Variants in MAST4 observed in about 807,000 individuals in gnomAD.
The protein encoded by MAST4 is microtubule-associated serine/threonine-protein kinase 4.
MAST4 carries 89 observed loss-of-function variants against 162.7 expected under a neutral mutation model. The ratio of observed to expected loss-of-function variants is 0.55; its 90% CI spans 0.46 to 0.65. MAST4 has a LOEUF of 0.65. MAST4 is among the 30% of genes least tolerant of loss of function. The pLI is 0.00. For missense variants in MAST4, 3,153 were observed against 3,374.0 expected (o/e 0.93, Z 1.62); for synonymous variants, 1,479 against 1,361.1 (o/e 1.09, Z -1.91).
intron 2 of MAST4, among the ~76,000 whole-genome samples, chr5:66,760,399 C>T (rs1753791254): frequency 6.6e-6 from 1 of 152,152 alleles, no homozygotes; most frequent in Admixed American, 6.5e-5. Context: ...CAGGTGTGAG[C>T]CACCGCACCC....
intron 4 of MAST4, among the ~76,000 whole-genome samples, chr5:67,050,992 TA>T (rs2150542454): frequency 6.6e-6 from 1 of 152,312 alleles, no homozygotes; most frequent in East Asian, 1.9e-4. Context: ...TTTGAGTTCA[TA>T]ACTTTTCTTT....
intron 4 of MAST4, among the ~76,000 whole-genome samples, chr5:67,022,218 T>C (rs1416137950): frequency 1.3e-5 from 2 of 152,216 alleles, no homozygotes; most frequent in African/African-American, 4.8e-5. Flanking sequence ...TTCTGTCTTT[T>C]GGACTATGTC....
intron 10 of MAST4, among the ~76,000 whole-genome samples, chr5:67,105,172 G>T (rs1386508018): frequency 6.6e-6 from 1 of 152,130 alleles, no homozygotes; most frequent in Non-Finnish European, 1.5e-5. Flanking sequence ...CTGTATGGGG[G>T]AATGGAATGC....
intron 1 of MAST4, among the ~76,000 whole-genome samples, chr5:66,650,019 A>G (rs941741490): frequency 6.6e-6 from 1 of 151,900 alleles, no homozygotes; most frequent in Non-Finnish European, 1.5e-5. Context: ...ACCACTTCTT[A>G]CAGGCTAATT....
chr5:66,860,297 T>C (rs756934605), intron 3 of MAST4, among the ~76,000 whole-genome samples: 3 of 152,234 alleles, frequency 2.0e-5, no homozygotes, highest in Non-Finnish European at 2.9e-5. Context: ...CTGCTATATG[T>C]AACTGCTAAC....
intron 5 of MAST4, among the ~76,000 whole-genome samples, chr5:67,089,342 A>G (rs1763584083): frequency 6.6e-6 from 1 of 152,134 alleles, no homozygotes; most frequent in African/African-American, 2.4e-5. Flanking sequence ...CAGCAGGTTG[A>G]GTGGGCTAAT....
intron 2 of MAST4, among the ~76,000 whole-genome samples, chr5:66,770,873 C>T (rs186880206): frequency 8.1e-4 from 124 of 152,254 alleles, no homozygotes; most frequent in African/African-American, 2.9e-3. Context: ...CCACAGGAGG[C>T]CCAGTTTCTC....
At chr5:66,766,864 A>G (rs1209679376) in intron 2 of MAST4, among the ~76,000 whole-genome samples, 2 of 152,248 alleles carry the variant, frequency 1.3e-5, no homozygotes, top group African/African-American at 4.8e-5. Context: ...TATGACAAGC[A>G]AACCAGAAAA....
chr5:67,105,848 A>G (rs1279250159), intron 10 of MAST4, among the ~76,000 whole-genome samples: 1 of 152,196 alleles, frequency 6.6e-6, no homozygotes, highest in African/African-American at 2.4e-5. Flanking sequence ...ACACTAGAGT[A>G]TAAAGTCTCT....
intron 21 of MAST4, 143 bp from the exon 22 acceptor site, chr5:67,144,526 C>G (rs1770822612): frequency 5.1e-6 from 4 of 787,988 alleles, no homozygotes; most frequent in African/African-American, 3.5e-5. Context: ...TTCTGGTTAA[C>G]AACACTGGAA....
chr5:66,611,376 C>T (rs1051523360), intron 1 of MAST4, among the ~76,000 whole-genome samples: 2 of 152,206 alleles, frequency 1.3e-5, no homozygotes, highest in Non-Finnish European at 2.9e-5. Flanking sequence ...TGCATCATTT[C>T]AATGTTTTTA....
At chr5:67,073,926 G>A (rs1001321467) in intron 5 of MAST4, among the ~76,000 whole-genome samples, 31 of 152,056 alleles carry the variant, frequency 2.0e-4, no homozygotes, top group Admixed American at 1.2e-3. Context: ...AATAATTTCT[G>A]AGTATGAAAA....
intron 4 of MAST4, among the ~76,000 whole-genome samples, chr5:67,035,148 G>C (rs955951969): frequency 1.3e-5 from 2 of 152,096 alleles, no homozygotes; most frequent in Non-Finnish European, 2.9e-5. Flanking sequence ...GCCAAAGTCT[G>C]GCTGTGTCTC....
At chr5:66,911,408 A>G (rs947287140) in intron 4 of MAST4, among the ~76,000 whole-genome samples, 1 of 152,126 alleles carries the variant, frequency 6.6e-6, no homozygotes, top group African/African-American at 2.4e-5. Flanking sequence ...GCAAACTCTA[A>G]TAATAAGTTC....
chr5:67,056,184 T>A (rs1442290270), intron 5 of MAST4, among the ~76,000 whole-genome samples: 1 of 152,068 alleles, frequency 6.6e-6, no homozygotes, highest in African/African-American at 2.4e-5. Flanking sequence ...AGGGATATAA[T>A]TAGGGAGCGG....
At chr5:67,033,575 A>C (rs948257592) in intron 4 of MAST4, among the ~76,000 whole-genome samples, 5 of 152,190 alleles carry the variant, frequency 3.3e-5, no homozygotes, top group Admixed American at 1.3e-4. Flanking sequence ...GTTAGTTTAC[A>C]TTAGTGAAAC....
intron 3 of MAST4, among the ~76,000 whole-genome samples, chr5:66,845,110 T>TATATATATATATATAG (rs1758735001): frequency 7.8e-6 from 1 of 128,140 alleles, no homozygotes; most frequent in Admixed American, 7.7e-5. Context: ...TATATATATA[T>TATATATATATATATAG]ATATATATAT....
intron 4 of MAST4, among the ~76,000 whole-genome samples, chr5:67,008,703 G>A (rs1752324913): frequency 6.6e-6 from 1 of 152,146 alleles, no homozygotes; most frequent in African/African-American, 2.4e-5. Flanking sequence ...CTTTGAGCAA[G>A]TTTCCAAATG....
At chr5:66,758,319 G>A (rs1019043784) in intron 1 of MAST4, among the ~76,000 whole-genome samples, 4 of 151,580 alleles carry the variant, frequency 2.6e-5, no homozygotes, top group African/African-American at 4.8e-5. Flanking sequence ...ACTTGGGAAG[G>A]GTTGCTCATA....
Sources: allele counts gnomAD v4.1 joint callset (sites outside exome capture counted in the v4.1 genomes callset), GRCh38; gene constraint gnomAD v4.1.1; transcripts MANE v1.5; gene names NCBI Gene and HGNC (gene_info 2026-07-23, HGNC 2026-07-21).